Variants in SFMBT1 observed in about 807,000 individuals in gnomAD.
SFMBT1 encodes Scm like with four mbt domains 1.
A neutral mutation model predicts 108.7 loss-of-function variants in SFMBT1; 32 were observed. The ratio of observed to expected loss-of-function variants is 0.29; its 90% CI spans 0.22 to 0.40. SFMBT1 has a LOEUF of 0.40. Among genes scored for constraint, SFMBT1 ranks in the 10% least tolerant of loss-of-function variants. SFMBT1 has a pLI of 1.00. For missense variants in SFMBT1, 816 were observed against 1,059.6 expected (o/e 0.77, Z 3.19); for synonymous variants, 348 against 369.5 (o/e 0.94, Z 0.67).
intron 12 of SFMBT1, among the ~76,000 whole-genome samples, chr3:52,920,232 G>A (rs917815244): frequency 3.3e-5 from 5 of 152,172 alleles, no homozygotes; most frequent in Admixed American, 6.5e-5. Flanking sequence ...ATAATAATCT[G>A]TGTAAAGCTG....
chr3:52,962,774 T>C, intron 2 of SFMBT1, among the ~76,000 whole-genome samples: 1 of 118,406 alleles, frequency 8.4e-6, no homozygotes, highest in African/African-American at 3.3e-5. Context: ...GCCACTGCAC[T>C]ACAGCCTGGG....
intron 1 of SFMBT1, among the ~76,000 whole-genome samples, chr3:52,994,449 T>C (rs75972307): frequency 1.3e-5 from 2 of 149,300 alleles, no homozygotes; most frequent in African/African-American, 2.5e-5. Flanking sequence ...AAAAAAAAAA[T>C]CAAACTTGAA....
rs758466406 is a variant in SFMBT1, at chr3:52,938,551, G to A, written c.365-3650C>T. Reference sequence around the variant, plus strand: ...TACTGAAGTTAGCTATAAGCCCTTCGTTTTCTCTCCTTCAGCATCTCATTT... The same window carrying A: ...TACTGAAGTTAGCTATAAGCCCTTCATTTTCTCTCCTTCAGCATCTCATTT... On this transcript the variant is annotated intron_variant, in intron 4 of 20. Transcript: ENST00000394752. 2.5e-4 allele frequency among the ~76,000 whole-genome samples: 37 copies of A among 150,886 alleles called. 1 individual carries two copies. In the Middle Eastern group the frequency reaches 0.017, roughly 70 times the overall value.
intron 4 of SFMBT1, among the ~76,000 whole-genome samples, chr3:52,941,794 A>C (rs755005565): frequency 4.0e-5 from 6 of 151,750 alleles, no homozygotes; most frequent in Non-Finnish European, 5.9e-5. Context: ...GCTACTTGGC[A>C]GGGGTGAGGT....
At chr3:52,973,246 A>G (rs1704410226) in intron 1 of SFMBT1, among the ~76,000 whole-genome samples, 1 of 152,060 alleles carries the variant, frequency 6.6e-6, no homozygotes, top group African/African-American at 2.4e-5. Context: ...TAAATAAATA[A>G]AAGTAAAAAT....
chr3:52,999,336 G>A (rs960558409), intron 1 of SFMBT1, among the ~76,000 whole-genome samples: 2 of 150,124 alleles, frequency 1.3e-5, no homozygotes, highest in Non-Finnish European at 3.0e-5. Context: ...GAAAGGAGCC[G>A]ACGCCCCACC....
At position 53,013,581 on chromosome 3, in the gene SFMBT1, C is replaced by T. The variant is rs567981922; in HGVS notation, c.-131+32235G>A. Among the ~76,000 whole-genome samples, 5 of 135,548 alleles carry T rather than the reference C, an allele frequency of 3.7e-5. No homozygotes were observed. The East Asian group carries it at 1.1e-3, about 31-fold the overall frequency. The allele number at this position is 135,548 out of a possible 152,430, so 88.9% of individuals were successfully genotyped here. A position where few individuals can be genotyped will look rare whatever the true frequency, so the allele number is the denominator to read the frequency against. ...AATCCATTAATAGTAAATTTAATTA[C>T]TTCAAGAAGGAACACAGTTTATTTA... On this transcript the variant is annotated intron_variant, in intron 1 of 20. Coordinates refer to ENST00000394752, the MANE Select transcript of SFMBT1 (RefSeq NM_016329.4).
At chr3:53,029,816 G>A (rs1465954463) in intron 1 of SFMBT1, among the ~76,000 whole-genome samples, 1 of 152,014 alleles carries the variant, frequency 6.6e-6, no homozygotes, top group African/African-American at 2.4e-5. Context: ...GGGGAGAATG[G>A]GGGTGGTAGA....
intron 1 of SFMBT1, among the ~76,000 whole-genome samples, chr3:53,015,017 G>C (rs1269848557): frequency 6.6e-6 from 1 of 152,122 alleles, no homozygotes; most frequent in Non-Finnish European, 1.5e-5. Flanking sequence ...CCAGGAGTGG[G>C]AGGCCAGCCT....
chr3:52,924,227 C>A (rs1343271285), intron 10 of SFMBT1, among the ~76,000 whole-genome samples: 4 of 152,056 alleles, frequency 2.6e-5, no homozygotes, highest in African/African-American at 7.2e-5. Context: ...GGGGATCCAT[C>A]AAAACAAGGA....
At chr3:53,009,046 T>C (rs1415033050) in intron 1 of SFMBT1, among the ~76,000 whole-genome samples, 1 of 149,458 alleles carries the variant, frequency 6.7e-6, no homozygotes, top group Non-Finnish European at 1.5e-5. Context: ...AGGCTTGAGG[T>C]GGGAGGATCA....
chr3:53,014,575 GA>G, intron 1 of SFMBT1, among the ~76,000 whole-genome samples: 1 of 152,328 alleles, frequency 6.6e-6, no homozygotes, highest in Non-Finnish European at 1.5e-5. Flanking sequence ...ACCTATCTGA[GA>G]GCTTTTACTG....
chr3:52,916,325 A>G (rs939774179), intron 13 of SFMBT1, 111 bp from the exon 14 acceptor site: 2 of 863,726 alleles, frequency 2.3e-6, no homozygotes, highest in Non-Finnish European at 3.7e-6. Flanking sequence ...TGTTCGCAAA[A>G]TCTGTAACAG....
chr3:53,006,628 C>CAAAAAAAAAGAAAAAAAAAAA (rs1698752717), intron 1 of SFMBT1, among the ~76,000 whole-genome samples: 1 of 126,316 alleles, frequency 7.9e-6, no homozygotes, highest in African/African-American at 3.4e-5. Flanking sequence ...AACTCCGTCT[C>CAAAAAAAAAGAAAAAAAAAAA]AAAAAAAAAA....
chr3:52,912,998 T>C (rs1423112516), intron 15 of SFMBT1, among the ~76,000 whole-genome samples: 1 of 152,222 alleles, frequency 6.6e-6, no homozygotes, highest in Non-Finnish European at 1.5e-5. Context: ...CTGAGCCTTC[T>C]TGTGGCTGGA....
intron 1 of SFMBT1, among the ~76,000 whole-genome samples, chr3:52,994,530 C>T (rs143040203): frequency 0.041 from 6,132 of 150,360 alleles, 578 homozygotes; most frequent in Middle Eastern, 0.079. Flanking sequence ...GACGGAGTCT[C>T]GCTCTGTGGC....
chr3:52,972,552 A>T (rs1704379634), intron 1 of SFMBT1, among the ~76,000 whole-genome samples: 1 of 151,954 alleles, frequency 6.6e-6, no homozygotes, highest in Non-Finnish European at 1.5e-5. Flanking sequence ...TACTGTCATC[A>T]TTTATTTTAT....
In SFMBT1 at chr3:52,926,394, T is replaced by C. The variant is rs146665366; in HGVS notation, c.1049-281A>G. Among the ~76,000 whole-genome samples, 93 of 152,366 alleles carry C rather than the reference T, an allele frequency of 6.1e-4. 1 individual carries two copies. The highest frequency in any genetic ancestry group is 5.0e-3 in the East Asian group (26 of 5,194). ...TTATTTTGAGCACTATTTTATATGA[T>C]TAGTTGCTGGCAATTTACCAAAAGA... On this transcript the variant is annotated intron_variant, in intron 9 of 20. Transcript: ENST00000394752.
chr3:53,031,348 C>G (rs1206482082), intron 1 of SFMBT1, among the ~76,000 whole-genome samples: 1 of 152,096 alleles, frequency 6.6e-6, no homozygotes, highest in Non-Finnish European at 1.5e-5. Context: ...ACTACTGCCA[C>G]AAAAAGTAAA....
Sources: allele counts gnomAD v4.1 joint callset (sites outside exome capture counted in the v4.1 genomes callset), GRCh38; gene constraint gnomAD v4.1.1; transcripts MANE v1.5; gene names NCBI Gene and HGNC (gene_info 2026-07-23, HGNC 2026-07-21).